The following TSC22D1 variants were observed in gnomAD, a reference collection of about 807,000 sequenced individuals.
TSC22D1 encodes TSC22 domain family member 1, also known as TSC22 domain family protein 1.
A neutral mutation model predicts 74.2 loss-of-function variants in TSC22D1; 9 were observed. The observed-to-expected ratio is 0.12, with a 90% CI of 0.07 to 0.21. TSC22D1 has a LOEUF of 0.21. Ranked by LOEUF, TSC22D1 falls within the 10% of genes least tolerant of loss-of-function variation. The pLI, the probability that TSC22D1 is intolerant of heterozygous loss-of-function variation, is 1.00. For synonymous variants in TSC22D1, 586 were observed against 492.5 expected (o/e 1.19, Z -2.51); for missense variants, 1,427 against 1,304.7 (o/e 1.09, Z -1.44).
intron 1 of TSC22D1, among the ~76,000 whole-genome samples, chr13:44,441,933 A>G (rs762490706): frequency 3.3e-5 from 5 of 152,114 alleles, no homozygotes. Flanking sequence ...CAAGCAGAAC[A>G]ATTTTCAGAA....
intron 1 of TSC22D1, chr13:44,538,862 TATG>T: frequency 1.0e-6 from 1 of 985,378 alleles, no homozygotes; most frequent in Non-Finnish European, 1.2e-6. Context: ...GCTGAAGAAG[TATG>T]ATGTTTTACC....
intron 1 of TSC22D1, chr13:44,538,281 A>C: frequency 1.0e-6 from 1 of 985,358 alleles, no homozygotes; most frequent in Non-Finnish European, 1.2e-6. Flanking sequence ...CTCTATTAGA[A>C]ACTTTGTTGA....
intron 1 of TSC22D1, chr13:44,536,697 T>G (rs1243258811): frequency 1.0e-6 from 1 of 967,620 alleles, no homozygotes; most frequent in Non-Finnish European, 1.2e-6. Context: ...ATTAAAAGAC[T>G]TGGTCAAATT....
At chr13:44,546,748 A>AAG (rs1177933369) in intron 1 of TSC22D1, among the ~76,000 whole-genome samples, 1 of 41,660 alleles carries the variant, frequency 2.4e-5, no homozygotes, top group Non-Finnish European at 4.7e-5. Flanking sequence ...TGTGTGAAAT[A>AAG]CGTGTGTGTG....
At chr13:44,458,833 C>T (rs189825694) in intron 1 of TSC22D1, among the ~76,000 whole-genome samples, 2 of 152,322 alleles carry the variant, frequency 1.3e-5, no homozygotes, top group East Asian at 3.9e-4. Flanking sequence ...TCGGCCCCCT[C>T]TGGACCTTGG....
Position 44,474,148 on chromosome 13 carries a change from C to T in TSC22D1, c.2913-38053G>A, listed in dbSNP as rs1226061870. On this transcript the variant is annotated intron_variant, in intron 1 of 2. Coordinates refer to ENST00000458659, the MANE Select transcript of TSC22D1 (RefSeq NM_183422.4). The stretch of plus-strand genomic sequence containing the variant: ...TAGAAACCAACTGCTTTTCAAGGTA[C>T]TAGGCAGGACTTAGGACAACTGAGA... 15 of 763,496 alleles carry T rather than the reference C, an allele frequency of 2.0e-5. No homozygotes were observed. The African/African-American group carries it at 2.8e-4, about 14-fold the overall frequency. The allele number at this position is 763,496 out of a possible 1,614,324, so 47.3% of individuals were successfully genotyped here.
At chr13:44,440,839 G>C (rs1227076532) in intron 1 of TSC22D1, among the ~76,000 whole-genome samples, 1 of 152,098 alleles carries the variant, frequency 6.6e-6, no homozygotes, top group Non-Finnish European at 1.5e-5. Context: ...ACTAGGCATA[G>C]AGAGAAAATA....
chr13:44,483,357 T>C (rs1456420210), intron 1 of TSC22D1, among the ~76,000 whole-genome samples: 1 of 152,150 alleles, frequency 6.6e-6, no homozygotes, highest in African/African-American at 2.4e-5. Context: ...AAATTTGCCA[T>C]TGCTACTTTA....
rs1874356967 is a variant in TSC22D1 at position 44,434,552 on chromosome 13, CAG to C, written c.*72_*73del. The C allele has an allele frequency of 2.0e-6, 3 of 1,476,828 alleles. No individual in the cohort carries two copies. Among genetic ancestry groups the C allele is most frequent in the Non-Finnish European group, 2.7e-6 (3 of 1,116,966 alleles). The allele number at this position is 1,476,828 out of a possible 1,614,324, so 91.5% of individuals were successfully genotyped here. Reference sequence around the variant, plus strand: ...GCAATGAAATGGGTGACTGTGGAGGCAGATTCTCCCTAGCACATCTTCTCCGT... The same window carrying C: ...GCAATGAAATGGGTGACTGTGGAGGCATTCTCCCTAGCACATCTTCTCCGT... On this transcript the variant is annotated 3_prime_UTR_variant, in exon 3 of 3. Transcript: ENST00000458659.
intron 1 of TSC22D1, among the ~76,000 whole-genome samples, chr13:44,446,995 G>T (rs7319549): frequency 0.99 from 150,898 of 152,276 alleles, 74,782 homozygotes; most frequent in Middle Eastern, 1. Context: ...TTAAGCATAT[G>T]GTTACTATTG....
chr13:44,572,651 T>C (rs977485021), intron 1 of TSC22D1, among the ~76,000 whole-genome samples: 3 of 152,174 alleles, frequency 2.0e-5, no homozygotes, highest in Admixed American at 2.0e-4. Flanking sequence ...GGGCAACCTA[T>C]ATAACCCAGA....
At chr13:44,538,833 T>C (rs894959424) in intron 1 of TSC22D1, 32 of 985,332 alleles carry the variant, frequency 3.2e-5, no homozygotes, top group Non-Finnish European at 3.9e-5. Flanking sequence ...ATGAAGGCTC[T>C]GCTAGAAGAA....
intron 1 of TSC22D1, among the ~76,000 whole-genome samples, chr13:44,461,485 G>A (rs1422743992): frequency 6.6e-6 from 1 of 152,134 alleles, no homozygotes; most frequent in African/African-American, 2.4e-5. Context: ...TAAAGTACTA[G>A]ATGGTGAGTA....
chr13:44,529,262 G>T (rs974488231), intron 1 of TSC22D1, among the ~76,000 whole-genome samples: 1 of 151,930 alleles, frequency 6.6e-6, no homozygotes, highest in African/African-American at 2.4e-5. Flanking sequence ...ATACGAGGCT[G>T]GTTTGACATT....
At chr13:44,498,492 T>C (rs1879076604) in intron 1 of TSC22D1, among the ~76,000 whole-genome samples, 2 of 152,074 alleles carry the variant, frequency 1.3e-5, no homozygotes, top group African/African-American at 4.8e-5. Context: ...ATACCAACCA[T>C]TTATGCCATG....
chr13:44,469,550 T>C (rs968150691), intron 1 of TSC22D1, among the ~76,000 whole-genome samples: 8 of 152,212 alleles, frequency 5.3e-5, no homozygotes, highest in African/African-American at 1.7e-4. Context: ...GAGTTAGTTT[T>C]AGATGTCCAA....
At chr13:44,570,647 T>G (rs980769387) in intron 1 of TSC22D1, among the ~76,000 whole-genome samples, 21 of 152,188 alleles carry the variant, frequency 1.4e-4, no homozygotes, top group African/African-American at 4.8e-4. Context: ...AGAGTATTAT[T>G]TCAAAAGATG....
intron 1 of TSC22D1, among the ~76,000 whole-genome samples, chr13:44,560,500 T>C (rs955201969): frequency 1.3e-5 from 2 of 152,208 alleles, no homozygotes; most frequent in East Asian, 3.8e-4. Context: ...TTACTACAAA[T>C]ATTCTTCGTA....
At chr13:44,506,074 C>T (rs1301421287) in intron 1 of TSC22D1, among the ~76,000 whole-genome samples, 2 of 152,154 alleles carry the variant, frequency 1.3e-5, no homozygotes, top group African/African-American at 4.8e-5. Context: ...GCTCCAGAGT[C>T]CATGCTTCTA....
Sources: allele counts gnomAD v4.1 joint callset (sites outside exome capture counted in the v4.1 genomes callset), GRCh38; gene constraint gnomAD v4.1.1; transcripts MANE v1.5; gene names NCBI Gene and HGNC (gene_info 2026-07-23, HGNC 2026-07-21).